The following AMBRA1 variants were observed in gnomAD, a reference collection of about 807,000 sequenced individuals.
The protein encoded by AMBRA1 is activating molecule in BECN1-regulated autophagy protein 1.
In AMBRA1, 47 loss-of-function variants were observed where a neutral mutation model predicts 125.4. The observed-to-expected ratio is 0.37, with a 90% CI of 0.30 to 0.48. AMBRA1 has a LOEUF of 0.48. AMBRA1 is among the 20% of genes least tolerant of loss of function. AMBRA1 has a pLI of 0.99. For synonymous variants in AMBRA1, 626 were observed against 655.5 expected (o/e 0.95, Z 0.69); for missense variants, 1,331 against 1,693.4 (o/e 0.79, Z 3.76).
intron 12 of AMBRA1, among the ~76,000 whole-genome samples, chr11:46,435,404 T>C (rs747160673): frequency 1.3e-5 from 2 of 152,150 alleles, no homozygotes; most frequent in South Asian, 2.1e-4. Flanking sequence ...CCAAGATAAA[T>C]GAAAATGCAA....
At chr11:46,504,862 G>A (rs1343828532) in intron 9 of AMBRA1, among the ~76,000 whole-genome samples, 1 of 152,198 alleles carries the variant, frequency 6.6e-6, no homozygotes, top group African/African-American at 2.4e-5. Context: ...GCTTGCTCCT[G>A]TCCTCTAACC....
At chr11:46,480,726 C>A (rs1037915585) in intron 11 of AMBRA1, among the ~76,000 whole-genome samples, 2 of 152,168 alleles carry the variant, frequency 1.3e-5, no homozygotes, top group Non-Finnish European at 2.9e-5. Context: ...CTTTGCTCTA[C>A]AACTTTGGAA....
At position 46,570,261 on chromosome 11, in the gene AMBRA1, CAAAAAAAAA is replaced by C. The variant is rs200875374; in HGVS notation, c.-120-21770_-120-21762del. On this transcript the variant is annotated intron_variant, in intron 1 of 17. Transcript: ENST00000683756. ...TGGGCAACACAGTGAGACCATGTCT[CAAAAAAAAA>C]AAAAAAAAAAAAAAAAAAGCAAGGT... Among the ~76,000 whole-genome samples, 13 of 14,294 alleles carry C rather than the reference CAAAAAAAAA, an allele frequency of 9.1e-4. 1 individual carries two copies. The highest frequency in any genetic ancestry group is 9.0e-3 in the East Asian group (6 of 666). The allele number at this position is 14,294 out of a possible 152,430, so 9.4% of individuals were successfully genotyped here. A position where few individuals can be genotyped will look rare whatever the true frequency, so the allele number is the denominator to read the frequency against.
At position 46,525,678 on chromosome 11, in the gene AMBRA1, G is replaced by A. The variant is rs115495577; in HGVS notation, c.2073-12865C>T. ...AGGCAGAAGAATCATTTGAATCCGGGAGGCGGAAGTTGCAGTGACCCGAGA... is the reference window on the plus strand; with the variant it reads ...AGGCAGAAGAATCATTTGAATCCGGAAGGCGGAAGTTGCAGTGACCCGAGA... On this transcript the variant is annotated intron_variant, in intron 7 of 17. Coordinates refer to ENST00000683756, the MANE Select transcript of AMBRA1 (RefSeq NM_001387011.1). Among the ~76,000 whole-genome samples, 755 of 152,092 alleles carry A rather than the reference G, an allele frequency of 5.0e-3. 3 individuals are homozygous for A. Among genetic ancestry groups the A allele is most frequent in the African/African-American group, 0.017 (723 of 41,498 alleles).
chr11:46,448,817 C>T (rs927990404), intron 11 of AMBRA1, among the ~76,000 whole-genome samples: 7 of 152,256 alleles, frequency 4.6e-5, no homozygotes, highest in Middle Eastern at 3.4e-3. Context: ...TATGAACAAC[C>T]GTATGCCTAC....
At chr11:46,475,092 G>GA (rs1216731033) in intron 11 of AMBRA1, among the ~76,000 whole-genome samples, 1 of 152,032 alleles carries the variant, frequency 6.6e-6, no homozygotes, top group East Asian at 1.9e-4. Context: ...CTTATCAATA[G>GA]AAAAAAAATT....
At chr11:46,411,785 ATTTT>A (rs200917347) in intron 15 of AMBRA1, among the ~76,000 whole-genome samples, 3 of 149,946 alleles carry the variant, frequency 2.0e-5, no homozygotes, top group Non-Finnish European at 4.5e-5. Flanking sequence ...TGTCTTTTTA[ATTTT>A]TTTTTTATTT....
At chr11:46,428,761 A>T in intron 14 of AMBRA1, 1 of 1,609,718 alleles carries the variant, frequency 6.2e-7, no homozygotes, top group Non-Finnish European at 8.5e-7. Context: ...GTGGCACAGC[A>T]CTCCGTCTGT....
chr11:46,579,382 G>A (rs564320790), intron 1 of AMBRA1, among the ~76,000 whole-genome samples: 1 of 152,172 alleles, frequency 6.6e-6, no homozygotes, highest in South Asian at 2.1e-4. Context: ...ACTTGAACCC[G>A]GGAGGCAGAG....
chr11:46,507,458 G>A (rs563949119), intron 9 of AMBRA1, among the ~76,000 whole-genome samples: 13 of 137,886 alleles, frequency 9.4e-5, no homozygotes, highest in African/African-American at 1.4e-4. Flanking sequence ...CAGCCTGAGC[G>A]AAAGAGCGAG....
At chr11:46,433,680 G>T in intron 13 of AMBRA1, 52 bp from the exon 14 acceptor site, 1 of 1,573,392 alleles carries the variant, frequency 6.4e-7, no homozygotes, top group South Asian at 1.2e-5. Flanking sequence ...GCCATTCCAA[G>T]GAAACAACTT....
chr11:46,509,276 T>C (rs1951173752), intron 8 of AMBRA1, among the ~76,000 whole-genome samples: 1 of 152,230 alleles, frequency 6.6e-6, no homozygotes. Flanking sequence ...CACATTGCCT[T>C]CTCAAGTTTT....
At chr11:46,554,537 AAGTCAG>A (rs1276052671) in intron 1 of AMBRA1, among the ~76,000 whole-genome samples, 1 of 152,234 alleles carries the variant, frequency 6.6e-6, no homozygotes, top group Non-Finnish European at 1.5e-5. Context: ...TGATGGGAAG[AAGTCAG>A]AGGGAGTAAA....
intron 14 of AMBRA1, among the ~76,000 whole-genome samples, chr11:46,424,617 T>A (rs1947023477): frequency 6.6e-6 from 1 of 151,984 alleles, no homozygotes; most frequent in South Asian, 2.1e-4. Context: ...GTGGCCGAGA[T>A]AGGAAGATCA....
At chr11:46,421,795 A>G (rs1946860559) in intron 14 of AMBRA1, among the ~76,000 whole-genome samples, 1 of 152,176 alleles carries the variant, frequency 6.6e-6, no homozygotes, top group Admixed American at 6.5e-5. Context: ...CAAACCATTT[A>G]CGGTTTTGGT....
At chr11:46,555,051 G>A (rs968247905) in intron 1 of AMBRA1, among the ~76,000 whole-genome samples, 3 of 151,998 alleles carry the variant, frequency 2.0e-5, no homozygotes, top group Non-Finnish European at 4.4e-5. Flanking sequence ...TTCAGCCCAG[G>A]TAATAGAGTG....
intron 14 of AMBRA1, among the ~76,000 whole-genome samples, chr11:46,426,635 C>A (rs1947150559): frequency 6.6e-6 from 1 of 152,064 alleles, no homozygotes; most frequent in Non-Finnish European, 1.5e-5. Context: ...CAAATCACAC[C>A]AGAGACACCT....
At chr11:46,581,797 CAAAAA>C (rs1162857231) in intron 1 of AMBRA1, among the ~76,000 whole-genome samples, 2 of 69,948 alleles carry the variant, frequency 2.9e-5, no homozygotes, top group Admixed American at 1.9e-4. Flanking sequence ...AAAACTCCAT[CAAAAA>C]AAAAAAAAAA....
In AMBRA1 at chr11:46,410,322, T is replaced by C. The variant is rs950287353; in HGVS notation, c.3163A>G (p.Thr1055Ala). The C allele has an allele frequency of 6.2e-7, 1 of 1,613,788 alleles. No individual in the cohort carries two copies. The highest frequency in any genetic ancestry group is 8.5e-7 in the Non-Finnish European group (1 of 1,179,888). The change falls in exon 16 of 18, where the codon ACG becomes GCG. Residue 1055 changes from threonine (T) to alanine (A), a missense_variant. Physicochemically the swap from Thr to Ala is moderately conservative, Grantham distance 58 (BLOSUM62 0). Coordinates refer to ENST00000683756, the MANE Select transcript of AMBRA1 (RefSeq NM_001387011.1). ...VEYYWDQLNE[T>A]VFTVHSNSRS... ...CTGTTGGAATGGACAGTGAAGACCG[T>C]CTCGTTCAGCTGGTCCCAGTAGTAC...
Sources: allele counts gnomAD v4.1 joint callset (sites outside exome capture counted in the v4.1 genomes callset), GRCh38; gene constraint gnomAD v4.1.1; transcripts MANE v1.5; gene names NCBI Gene and HGNC (gene_info 2026-07-23, HGNC 2026-07-21).